MYOM2: variants seen among roughly 807,000 people sequenced by gnomAD.
MYOM2 encodes the protein myomesin 2.
Under a neutral mutation model 187.6 loss-of-function variants are expected in MYOM2, and 254 were observed. The ratio of observed to expected loss-of-function variants is 1.35; its 90% confidence interval spans 1.22 to 1.50. MYOM2 has a LOEUF of 1.50. Among genes scored for constraint, MYOM2 ranks in the 40% most tolerant of loss-of-function variants. MYOM2 has a pLI of 0.00. For synonymous variants in MYOM2, 981 were observed against 753.8 expected, an observed-to-expected ratio of 1.30 and a Z score of -4.94; for missense variants, 2,796 against 1,924.0, an observed-to-expected ratio of 1.45 and a Z score of -8.48.
chr8:2,129,069 T>A (rs1323999967), intron 31 of MYOM2, 58 bp from the exon 32 acceptor site: 1 of 1,312,196 alleles, frequency 7.6e-7, no homozygotes, highest in Admixed American at 1.7e-5. Flanking sequence ...CGATGCTTTC[T>A]GTGATCACAC....
intron 3 of MYOM2, among the ~76,000 whole-genome samples, chr8:2,054,599 T>G (rs552936784): frequency 6.6e-6 from 1 of 152,304 alleles, no homozygotes. Context: ...TTCTGAATCA[T>G]GGAGGGTTAG....
intron 3 of MYOM2, among the ~76,000 whole-genome samples, chr8:2,054,917 GAACCAAGTACCT>G (rs1818606984): frequency 7.9e-6 from 1 of 127,190 alleles, no homozygotes; most frequent in Non-Finnish European, 1.9e-5. Context: ...GGATACTGGG[GAACCAAGTACCT>G]GGATAATGGG....
At chr8:2,058,055 G>A (rs1047654962) in intron 5 of MYOM2, among the ~76,000 whole-genome samples, 23 of 122,320 alleles carry the variant, frequency 1.9e-4, no homozygotes, top group African/African-American at 7.4e-4. Flanking sequence ...GTCTCGCTCT[G>A]TTGCCCAGGC....
intron 28 of MYOM2, among the ~76,000 whole-genome samples, chr8:2,119,742 C>A (rs1049630040): frequency 6.6e-6 from 1 of 152,054 alleles, no homozygotes; most frequent in Admixed American, 6.6e-5. Context: ...TGGAAGAGGA[C>A]TCACAGGTGA....
chr8:2,059,403 T>C (rs1239869547), intron 6 of MYOM2, among the ~76,000 whole-genome samples, 158 bp downstream of exon 6: 3 of 152,192 alleles, frequency 2.0e-5, no homozygotes, highest in African/African-American at 7.2e-5. Context: ...GTACTGGTGT[T>C]GGAAGCTTCC....
intron 25 of MYOM2, among the ~76,000 whole-genome samples, chr8:2,111,484 G>A (rs940029709): frequency 6.6e-6 from 1 of 152,206 alleles, no homozygotes; most frequent in Non-Finnish European, 1.5e-5. Flanking sequence ...GTTAAAGTAA[G>A]TTCCTATCAT....
At chr8:2,073,278 G>A in intron 9 of MYOM2, 61 bp from the exon 10 acceptor site, 1 of 1,554,292 alleles carries the variant, frequency 6.4e-7, no homozygotes, top group Non-Finnish European at 8.7e-7. Flanking sequence ...GTGTCCCCGA[G>A]GCTTTCTTTG....
rs771859860 is a variant in MYOM2, at chr8:2,072,404, G to C, written c.853G>C (p.Gly285Arg). 2 of 1,614,180 alleles carry C rather than the reference G, an allele frequency of 1.2e-6. No individual in the cohort carries two copies. Among genetic ancestry groups the C allele is most frequent in the East Asian group, 4.5e-5 (2 of 44,864 alleles). ...HFDVQFLEKF[G>R]VTFRREGETV... Reference sequence around the variant, plus strand: ...CGACGTCCAGTTTTTGGAGAAGTTTGGGGTCACCTTCAGGAGGGAAGGCGA... The same window carrying C: ...CGACGTCCAGTTTTTGGAGAAGTTTCGGGTCACCTTCAGGAGGGAAGGCGA... Residue 285 changes from glycine to arginine, a missense_variant, in exon 9 of 37, where the codon GGG becomes CGG. By Grantham distance (125) the Gly-to-Arg change is moderately radical. Coordinates refer to ENST00000262113, the MANE Select transcript of MYOM2 (RefSeq NM_003970.4).
At chr8:2,141,515 G>A (rs1480470515) in intron 34 of MYOM2, among the ~76,000 whole-genome samples, 1 of 152,198 alleles carries the variant, frequency 6.6e-6, no homozygotes, top group Admixed American at 6.5e-5. Context: ...TGGGGCTTTT[G>A]GCCGATTTCG....
At chr8:2,132,939 C>T (rs142374455) in intron 32 of MYOM2, among the ~76,000 whole-genome samples, 2 of 152,146 alleles carry the variant, frequency 1.3e-5, no homozygotes, top group Non-Finnish European at 1.5e-5. Flanking sequence ...GTGGGAGGGG[C>T]AGTGGCTGGC....
Position 2,145,326 on chromosome 8 carries a change from C to A in MYOM2, c.*345C>A, listed in dbSNP as rs1798424341. 2.6e-6 allele frequency: 1 copy of A among 385,128 alleles called. No homozygotes were observed. Among genetic ancestry groups the A allele is most frequent in the East Asian group, 5.0e-5 (1 of 19,844 alleles). The allele number at this position is 385,128 out of a possible 1,614,324, so 23.9% of individuals were successfully genotyped here. The stretch of plus-strand genomic sequence containing the variant: ...GCAGCATGTGGCGGTCTGTGTGAAG[C>A]CACCGTGCTTCTCTTTGGGGGGCCG... On this transcript the variant is annotated 3_prime_UTR_variant, in exon 37 of 37. Transcript: ENST00000262113.
intron 32 of MYOM2, among the ~76,000 whole-genome samples, chr8:2,134,761 T>G (rs1798008331): frequency 6.6e-6 from 1 of 152,178 alleles, no homozygotes; most frequent in Admixed American, 6.5e-5. Context: ...GGTTGTCGCC[T>G]GCTTTTTCCA....
At chr8:2,074,655 A>G (rs935083595) in intron 10 of MYOM2, among the ~76,000 whole-genome samples, 20 of 152,000 alleles carry the variant, frequency 1.3e-4, no homozygotes, top group African/African-American at 3.4e-4. Flanking sequence ...GGATTTCACC[A>G]TGTTGGCCAG....
At chr8:2,120,245 T>C (rs7843362) in intron 28 of MYOM2, among the ~76,000 whole-genome samples, 33,677 of 151,828 alleles carry the variant, frequency 0.22, 4,004 homozygotes, top group East Asian at 0.38. Flanking sequence ...AATAGGAACT[T>C]TGGGTCTTGT....
intron 23 of MYOM2, among the ~76,000 whole-genome samples, chr8:2,107,074 A>T (rs571707003): frequency 6.6e-6 from 1 of 152,328 alleles, no homozygotes; most frequent in African/African-American, 2.4e-5. Context: ...GAGAGAAGTG[A>T]GAAAAGTCTG....
intron 11 of MYOM2, chr8:2,076,545 C>A (rs1480584571): frequency 2.0e-5 from 9 of 456,388 alleles, no homozygotes; most frequent in Non-Finnish European, 3.5e-5. Flanking sequence ...GTAACCAATC[C>A]CACCAACGTC....
At chr8:2,099,252 C>T (rs1236951672) in intron 19 of MYOM2, among the ~76,000 whole-genome samples, 1 of 152,178 alleles carries the variant, frequency 6.6e-6, no homozygotes, top group African/African-American at 2.4e-5. Flanking sequence ...CACAGGAGGA[C>T]CCAGACTGTG....
chr8:2,097,204 C>A (rs1323437596), intron 18 of MYOM2: 5 of 563,960 alleles, frequency 8.9e-6, no homozygotes, highest in African/African-American at 6.1e-5. Context: ...ATAAATCTAT[C>A]TCTTTATAAT....
chr8:2,101,325 C>T (rs1367034494), intron 20 of MYOM2, among the ~76,000 whole-genome samples: 1 of 152,186 alleles, frequency 6.6e-6, no homozygotes, highest in African/African-American at 2.4e-5. Context: ...CGCACTCCAG[C>T]CTGGTTGACA....
Sources: allele counts gnomAD v4.1 joint callset (sites outside exome capture counted in the v4.1 genomes callset), GRCh38; gene constraint gnomAD v4.1.1; transcripts MANE v1.5; gene names NCBI Gene and HGNC (gene_info 2026-07-23, HGNC 2026-07-21).